MACROD2: variants seen among roughly 807,000 people sequenced by gnomAD.
The protein encoded by MACROD2 is ADP-ribose glycohydrolase MACROD2.
In MACROD2, 36 loss-of-function variants were observed where a neutral mutation model predicts 70.4. The ratio of observed to expected loss-of-function variants is 0.51; its 90% CI spans 0.39 to 0.68. The LOEUF (loss-of-function observed/expected upper bound fraction) is 0.68, where lower values mean the gene tolerates loss of function less well. MACROD2 is among the 30% of genes least tolerant of loss of function. MACROD2 has a pLI of 0.00. For missense variants in MACROD2, 496 were observed against 538.4 expected (o/e 0.92, Z 0.78); for synonymous variants, 172 against 178.8 (o/e 0.96, Z 0.30).
chr20:14,937,068 C>T lies in MACROD2; in HGVS notation c.418+252109C>T, dbSNP rs190403521. On this transcript the variant is annotated intron_variant, in intron 5 of 17. Coordinates refer to ENST00000684519, the MANE Select transcript of MACROD2 (RefSeq NM_001351661.2). Reference sequence around the variant, plus strand: ...CATTGGAAACAATGTGGAATGGAGACTGCTGAAAGAGGTAGAGGTAGAAGA... The same window carrying T: ...CATTGGAAACAATGTGGAATGGAGATTGCTGAAAGAGGTAGAGGTAGAAGA... Among the ~76,000 whole-genome samples the T allele has an allele frequency of 1.9e-3, 287 of 152,200 alleles. 1 individual carries two copies. The highest frequency in any genetic ancestry group is 6.8e-3 in the Middle Eastern group (2 of 294).
At chr20:15,902,351 A>G (rs779540765) in intron 10 of MACROD2, among the ~76,000 whole-genome samples, 4 of 152,088 alleles carry the variant, frequency 2.6e-5, no homozygotes, top group Non-Finnish European at 4.4e-5. Context: ...TTCTATATAT[A>G]AAATAGAGGC....
chr20:15,007,869 G>C (rs1231893808), intron 5 of MACROD2, among the ~76,000 whole-genome samples: 1 of 152,212 alleles, frequency 6.6e-6, no homozygotes, highest in African/African-American at 2.4e-5. Context: ...AAACAGCCAA[G>C]AGTTTCTGTC....
In MACROD2 at chr20:15,943,553, C is replaced by T. The variant is rs75412276; in HGVS notation, c.907+6009C>T. Among the ~76,000 whole-genome samples, 990 of 152,132 alleles carry T rather than the reference C, an allele frequency of 6.5e-3. 13 individuals are homozygous for T. Among genetic ancestry groups the T allele is most frequent in the African/African-American group, 0.022 (907 of 41,530 alleles). On this transcript the variant is annotated intron_variant, in intron 12 of 17. Transcript: ENST00000684519. ...TAAGTGTAGAATGAAAGTGGCTGTC[C>T]TCTGCTAGTATACTGAAGGGGAAAG...
chr20:14,010,795 C>G (rs1268860730), intron 2 of MACROD2, among the ~76,000 whole-genome samples: 1 of 152,050 alleles, frequency 6.6e-6, no homozygotes, highest in Admixed American at 6.6e-5. Context: ...CCCTTCACCC[C>G]CTACCCTTTT....
intron 4 of MACROD2, among the ~76,000 whole-genome samples, chr20:14,511,090 C>T (rs949578043): frequency 6.6e-6 from 1 of 152,014 alleles, no homozygotes; most frequent in Admixed American, 6.6e-5. Context: ...TGAAAGAACT[C>T]CAGGTCTTAG....
chr20:15,982,786 G>C (rs926358768), intron 13 of MACROD2, among the ~76,000 whole-genome samples: 2 of 152,184 alleles, frequency 1.3e-5, no homozygotes, highest in Admixed American at 6.5e-5. Flanking sequence ...GTGTCCTTTG[G>C]TATTTATTAA....
chr20:15,045,130 A>G (rs2075383163), intron 5 of MACROD2, among the ~76,000 whole-genome samples: 1 of 150,146 alleles, frequency 6.7e-6, no homozygotes, highest in South Asian at 2.1e-4. Flanking sequence ...GATGATCTAG[A>G]AAAAGAAAAG....
At chr20:16,014,834 C>G (rs6074994) in intron 15 of MACROD2, among the ~76,000 whole-genome samples, 18,212 of 152,162 alleles carry the variant, frequency 0.12, 1,337 homozygotes, top group Middle Eastern at 0.19. Context: ...AGTTCCTTGA[C>G]TTGTGCACCT....
chr20:14,187,860 T>C (rs2081357474), intron 3 of MACROD2, among the ~76,000 whole-genome samples: 1 of 152,130 alleles, frequency 6.6e-6, no homozygotes. Flanking sequence ...CTATTAACTA[T>C]TTTTTTGTAT....
At chr20:14,044,067 A>G (rs535887559) in intron 2 of MACROD2, among the ~76,000 whole-genome samples, 2 of 152,326 alleles carry the variant, frequency 1.3e-5, no homozygotes, top group East Asian at 3.9e-4. Context: ...GAATGAAGCC[A>G]CAGACCCTCG....
chr20:14,731,967 A>G (rs2071604068), intron 5 of MACROD2, among the ~76,000 whole-genome samples: 1 of 152,154 alleles, frequency 6.6e-6, no homozygotes, highest in Admixed American at 6.6e-5. Context: ...TGTATTGTTA[A>G]TCTTTACATG....
At chr20:14,569,517 C>G (rs1415662420) in intron 4 of MACROD2, among the ~76,000 whole-genome samples, 1 of 151,830 alleles carries the variant, frequency 6.6e-6, no homozygotes, top group African/African-American at 2.4e-5. Flanking sequence ...CAGCATCATT[C>G]TTTGGTGAAG....
intron 8 of MACROD2, among the ~76,000 whole-genome samples, chr20:15,673,869 C>T (rs1294515211): frequency 6.6e-6 from 1 of 151,726 alleles, no homozygotes. Flanking sequence ...TCCACGTCTG[C>T]CCTGTCCAGT....
intron 5 of MACROD2, among the ~76,000 whole-genome samples, chr20:15,015,673 T>C (rs1001420874): frequency 6.6e-6 from 1 of 152,224 alleles, no homozygotes; most frequent in Non-Finnish European, 1.5e-5. Flanking sequence ...ATTGTTGAGT[T>C]CTAGGTATCT....
chr20:14,100,846 A>G (rs1435508206), intron 3 of MACROD2, among the ~76,000 whole-genome samples: 3 of 136,572 alleles, frequency 2.2e-5, no homozygotes, highest in Non-Finnish European at 4.7e-5. Context: ...ATATAATATA[A>G]TATATATCAT....
At chr20:14,772,951 C>G (rs949789885) in intron 5 of MACROD2, among the ~76,000 whole-genome samples, 16 of 151,942 alleles carry the variant, frequency 1.1e-4, no homozygotes, top group African/African-American at 3.1e-4. Context: ...TTTAGCAACT[C>G]CAAGACATCA....
intron 3 of MACROD2, among the ~76,000 whole-genome samples, chr20:14,449,159 G>A (rs1017148069): frequency 1.3e-5 from 2 of 151,900 alleles, no homozygotes; most frequent in Non-Finnish European, 2.9e-5. Flanking sequence ...CTGAGTCCTT[G>A]TAAAAAGAAA....
chr20:14,919,508 G>A (rs2074135057), intron 5 of MACROD2, among the ~76,000 whole-genome samples: 1 of 152,188 alleles, frequency 6.6e-6, no homozygotes. Flanking sequence ...AGTTAAACAA[G>A]CAAGCAATTT....
chr20:14,478,797 G>T lies in MACROD2; in HGVS notation c.272-14682G>T, dbSNP rs2084627744. On this transcript the variant is annotated intron_variant, in intron 3 of 17. Coordinates refer to ENST00000684519, the MANE Select transcript of MACROD2 (RefSeq NM_001351661.2). ...CGTAGGTCCTAGCCTACTTTAGTGG[G>T]CAGTAGTTCTAAGGACAATTTAATT... Among the ~76,000 whole-genome samples, 3 of 152,128 alleles carry T rather than the reference G, an allele frequency of 2.0e-5. No individual in the cohort carries two copies. The South Asian group carries it at 6.2e-4, about 32-fold the overall frequency.
Sources: allele counts gnomAD v4.1 joint callset (sites outside exome capture counted in the v4.1 genomes callset), GRCh38; gene constraint gnomAD v4.1.1; transcripts MANE v1.5; gene names NCBI Gene and HGNC (gene_info 2026-07-23, HGNC 2026-07-21).